Variants in HOOK1 observed in about 807,000 individuals in gnomAD.
HOOK1 encodes protein Hook homolog 1.
HOOK1 carries 60 observed loss-of-function variants against 112.8 expected under a neutral mutation model. The observed-to-expected ratio is 0.53, with a 90% CI of 0.43 to 0.66. The LOEUF is 0.66. Ranked by LOEUF, HOOK1 falls within the 30% of genes least tolerant of loss-of-function variation. The pLI is 0.00. For synonymous variants in HOOK1, 294 were observed against 283.8 expected (o/e 1.04, Z -0.36); for missense variants, 770 against 856.0 (o/e 0.90, Z 1.25).
intron 6 of HOOK1, 134 bp downstream of exon 6, chr1:59,835,546 C>A: frequency 1.8e-6 from 1 of 567,216 alleles, no homozygotes. Flanking sequence ...AGTGGGTCTT[C>A]CTTTTTTACC....
chr1:59,820,458 G>T (rs2098384794), intron 1 of HOOK1, among the ~76,000 whole-genome samples: 1 of 151,976 alleles, frequency 6.6e-6, no homozygotes, highest in Admixed American at 6.6e-5. Context: ...AGCCTTCTTT[G>T]CACTGCAAAT....
chr1:59,852,042 A>G (rs1204875993), intron 12 of HOOK1, among the ~76,000 whole-genome samples: 1 of 151,616 alleles, frequency 6.6e-6, no homozygotes, highest in African/African-American at 2.4e-5. Context: ...ATATACTTTA[A>G]AAAGTATATT....
chr1:59,844,576 A>G (rs1347870536), intron 9 of HOOK1, among the ~76,000 whole-genome samples: 1 of 151,892 alleles, frequency 6.6e-6, no homozygotes, highest in Non-Finnish European at 1.5e-5. Context: ...TGGCTATTCT[A>G]AGTCTTTAGC....
intron 17 of HOOK1, 60 bp from the exon 18 acceptor site, chr1:59,865,103 C>T (rs1643937642): frequency 1.9e-6 from 2 of 1,027,502 alleles, no homozygotes. Flanking sequence ...AAGCAACTTG[C>T]CCAAGGTCCA....
In HOOK1 at chr1:59,858,966, ATT is replaced by A; in HGVS notation, c.1331-14_1331-13del. 1 of 1,461,322 alleles carries A rather than the reference ATT, an allele frequency of 6.8e-7. No homozygotes were observed. Among genetic ancestry groups the A allele is most frequent in the Non-Finnish European group, 9.6e-7 (1 of 1,045,138 alleles). The allele number at this position is 1,461,322 out of a possible 1,614,324, so 90.5% of individuals were successfully genotyped here. A position where few individuals can be genotyped will look rare whatever the true frequency, so the allele number is the denominator to read the frequency against. On this transcript the variant is annotated splice_polypyrimidine_tract_variant and intron_variant, in intron 13 of 21. Coordinates refer to ENST00000371208, the MANE Select transcript of HOOK1 (RefSeq NM_015888.6). Reference sequence around the variant, plus strand: ...AGTTGAAATACTGAAATGCTAATTTATTTTTTGTTATTTTTTAGATGCATCTG... The same window carrying A: ...AGTTGAAATACTGAAATGCTAATTTATTTTGTTATTTTTTAGATGCATCTG...
intron 14 of HOOK1, 27 bp from the exon 15 acceptor site, chr1:59,860,161 A>G (rs1208190721): frequency 3.3e-6 from 5 of 1,536,316 alleles, no homozygotes; most frequent in South Asian, 1.3e-5. Flanking sequence ...TTTAAAAATT[A>G]AAAAAGATTT....
chr1:59,832,080 A>G, intron 3 of HOOK1, 83 bp from the exon 4 acceptor site: 2 of 716,462 alleles, frequency 2.8e-6, no homozygotes, highest in Non-Finnish European at 4.7e-6. Flanking sequence ...AATTAGGGGA[A>G]AGTTTTTATT....
Position 59,843,595 on chromosome 1 carries a change from T to A in HOOK1, c.785T>A (p.Phe262Tyr), listed in dbSNP as rs1006715961. The A allele has an allele frequency of 3.8e-6, 6 of 1,592,974 alleles. No homozygotes were observed. Among genetic ancestry groups the A allele is most frequent in the Non-Finnish European group, 5.1e-6 (6 of 1,171,618 alleles). The change falls in exon 9 of 22, where the codon TTC becomes TAC. Residue 262 changes from phenylalanine to tyrosine, a missense_variant. Physicochemically the swap from Phe to Tyr is conservative, Grantham distance 22 (BLOSUM62 3). Coordinates refer to ENST00000371208, the MANE Select transcript of HOOK1 (RefSeq NM_015888.6). The part of the protein sequence containing the change: ...LQLEQLQEEN[F>Y]RLEAAKDDYR... ...CTAGAACAATTACAGGAAGAAAACT[T>A]CAGGTAGCATTTTTAATGGAAATCA...
intron 19 of HOOK1, among the ~76,000 whole-genome samples, chr1:59,866,910 T>G (rs1252425275): frequency 6.6e-6 from 1 of 152,200 alleles, no homozygotes; most frequent in Non-Finnish European, 1.5e-5. Flanking sequence ...TCTCTTTATT[T>G]TGGTTTATTA....
chr1:59,854,831 T>C lies in HOOK1; in HGVS notation c.1243-3597T>C, dbSNP rs185086322. Among the ~76,000 whole-genome samples the C allele has an allele frequency of 7.5e-4, 115 of 152,318 alleles. 2 individuals carry two copies. In the South Asian group the frequency reaches 0.022, roughly 29 times the overall value. ...ATTTCTTAGAACTGTAGATTGATGA[T>C]CCAAGGTTGGAAAAAATTTGATTTC... On this transcript the variant is annotated intron_variant, in intron 12 of 21. Transcript: ENST00000371208.
chr1:59,853,754 A>G (rs1280103058), intron 12 of HOOK1, among the ~76,000 whole-genome samples: 2 of 151,176 alleles, frequency 1.3e-5, no homozygotes, highest in Non-Finnish European at 2.9e-5. Context: ...CTATTTTCTG[A>G]TGGTTGTTAT....
At chr1:59,863,206 T>A (rs2098414525) in intron 16 of HOOK1, among the ~76,000 whole-genome samples, 1 of 152,174 alleles carries the variant, frequency 6.6e-6, no homozygotes, top group Non-Finnish European at 1.5e-5. Flanking sequence ...AATTGAGGCC[T>A]TCATAGTTCT....
rs765406098 is a variant in HOOK1, at chr1:59,836,896, C to G, written c.498C>G (p.Ser166Arg). The G allele has an allele frequency of 6.3e-7, 1 of 1,589,724 alleles. No homozygotes were observed. The highest frequency in any genetic ancestry group is 1.3e-5 in the African/African-American group (1 of 74,428). ...IQELMSKEIL[S>R]SPPNDAVGEL... ...AGTTGATGAGTAAAGAAATATTGAGCTCTCCTCCAAATGATGCTGTTGGAG... is the reference window on the plus strand; with the variant it reads ...AGTTGATGAGTAAAGAAATATTGAGGTCTCCTCCAAATGATGCTGTTGGAG... Residue 166 changes from serine (S) to arginine (R), a missense_variant, in exon 7 of 22, where the codon AGC (serine) becomes AGG (arginine). By Grantham distance (110) the Ser-to-Arg change is moderately radical (BLOSUM62 -1). Around this residue, in one of 3 missense-constraint regions of HOOK1, gnomAD observed 655 missense variants for 725.9 expected, o/e 0.90. Coordinates refer to ENST00000371208, the MANE Select transcript of HOOK1 (RefSeq NM_015888.6).
intron 2 of HOOK1, among the ~76,000 whole-genome samples, chr1:59,827,275 G>C (rs887524056): frequency 2.0e-5 from 3 of 152,170 alleles, no homozygotes; most frequent in African/African-American, 4.8e-5. Context: ...ATGGAGGGTA[G>C]TTTGCTTTAT....
At position 59,821,958 on chromosome 1, in the gene HOOK1, G is replaced by A. The variant is rs371486452; in HGVS notation, c.149+15G>A. ...CTTCATCAAATGTGAGTAGTGGTCAGACTCTCCCTGAAAAGCATTGTAAAC... is the reference window on the plus strand; with the variant it reads ...CTTCATCAAATGTGAGTAGTGGTCAAACTCTCCCTGAAAAGCATTGTAAAC... On this transcript the variant is annotated intron_variant, in intron 2 of 21. Coordinates refer to ENST00000371208, the MANE Select transcript of HOOK1 (RefSeq NM_015888.6). 6 of 1,592,198 alleles carry A rather than the reference G, an allele frequency of 3.8e-6. No homozygotes were observed. The South Asian group carries it at 5.5e-5, about 15-fold the overall frequency.
At chr1:59,840,168 G>C (rs12405073) in intron 7 of HOOK1, 140 bp from the exon 8 acceptor site, 65,794 of 434,242 alleles carry the variant, frequency 0.15, 6,615 homozygotes, top group African/African-American at 0.38. Context: ...TGTTGTAAGA[G>C]TCATTTCTTA....
chr1:59,822,791 A>C (rs2098386567), intron 2 of HOOK1, among the ~76,000 whole-genome samples: 1 of 152,084 alleles, frequency 6.6e-6, no homozygotes, highest in South Asian at 2.1e-4. Context: ...TACATTGAAA[A>C]CCCTTTAGAT....
intron 21 of HOOK1, among the ~76,000 whole-genome samples, chr1:59,871,369 G>T (rs1419091728): frequency 1.3e-5 from 2 of 152,166 alleles, no homozygotes; most frequent in African/African-American, 4.8e-5. Context: ...TGAAGCACAG[G>T]TGTAATAATT....
intron 16 of HOOK1, among the ~76,000 whole-genome samples, chr1:59,864,048 T>C (rs891231512): frequency 6.6e-6 from 1 of 152,072 alleles, no homozygotes; most frequent in African/African-American, 2.4e-5. Context: ...ATACTTCACC[T>C]ATACAATAGA....
Sources: gnomAD v4.1 joint callset for allele counts (sites outside exome capture counted in the v4.1 genomes callset) on GRCh38, gnomAD v4.1.1 for gene constraint, gnomAD v4.1.1 regional missense constraint, MANE v1.5 for transcripts, NCBI Gene and HGNC (gene_info 2026-07-23, HGNC 2026-07-21) for gene names.